NELL2: variants seen among roughly 807,000 people sequenced by gnomAD.
NELL2 encodes the protein neural EGFL like 2.
A neutral mutation model predicts 109.6 loss-of-function variants in NELL2; 41 were observed. That is an observed-to-expected ratio of 0.37 (90% confidence interval 0.29 to 0.49). NELL2 has a LOEUF of 0.49. NELL2 is among the 20% of genes least tolerant of loss of function. NELL2 has a pLI of 0.98. For missense variants in NELL2, 900 were observed against 1,008.3 expected, an observed-to-expected ratio of 0.89 and a Z score of 1.45; for synonymous variants, 355 against 344.7, an observed-to-expected ratio of 1.03 and a Z score of -0.33.
At chr12:44,809,318 TTTCC>T (rs1292092447) in intron 3 of NELL2, among the ~76,000 whole-genome samples, 5 of 152,122 alleles carry the variant, frequency 3.3e-5, no homozygotes, top group African/African-American at 1.2e-4. Flanking sequence ...TTCTCTTCTG[TTTCC>T]TGTATAAATG....
intron 2 of NELL2, among the ~76,000 whole-genome samples, chr12:44,851,505 C>G (rs1419153150): frequency 6.6e-6 from 1 of 151,558 alleles, no homozygotes; most frequent in Admixed American, 6.6e-5. Flanking sequence ...TAAATGAAGT[C>G]AAGTATGATC....
At chr12:44,555,139 G>C (rs1206416918) in intron 15 of NELL2, among the ~76,000 whole-genome samples, 1 of 152,156 alleles carries the variant, frequency 6.6e-6, no homozygotes, top group Non-Finnish European at 1.5e-5. Flanking sequence ...AGAACTGGTT[G>C]GGGTTCAGGT....
At chr12:44,782,479 G>A (rs560880583) in intron 3 of NELL2, among the ~76,000 whole-genome samples, 1 of 152,018 alleles carries the variant, frequency 6.6e-6, no homozygotes, top group Admixed American at 6.6e-5. Context: ...TAAAAACCAT[G>A]ACCATATTCT....
intron 13 of NELL2, among the ~76,000 whole-genome samples, chr12:44,643,249 A>G (rs1417232408): frequency 6.6e-6 from 1 of 152,226 alleles, no homozygotes; most frequent in Non-Finnish European, 1.5e-5. Flanking sequence ...AGAAAGAGCT[A>G]AACATTTCAA....
chr12:44,807,767 C>T (rs1447857557), intron 3 of NELL2, among the ~76,000 whole-genome samples: 1 of 151,964 alleles, frequency 6.6e-6, no homozygotes, highest in Non-Finnish European at 1.5e-5. Context: ...ATTCACCTTT[C>T]CTGCCATTTA....
intron 3 of NELL2, among the ~76,000 whole-genome samples, chr12:44,806,886 A>G (rs1025130855): frequency 6.6e-6 from 1 of 151,740 alleles, no homozygotes; most frequent in Admixed American, 6.6e-5. Flanking sequence ...TTATATTTCA[A>G]ATGAGGGAGG....
intron 9 of NELL2, among the ~76,000 whole-genome samples, chr12:44,723,217 T>C (rs946549141): frequency 6.6e-6 from 1 of 152,054 alleles, no homozygotes; most frequent in Non-Finnish European, 1.5e-5. Context: ...AATGCCCTAT[T>C]TGCATGCTAG....
intron 8 of NELL2, 147 bp from the exon 9 acceptor site, chr12:44,774,996 A>T (rs1174222792): frequency 3.3e-6 from 2 of 612,982 alleles, no homozygotes; most frequent in East Asian, 5.8e-5. Flanking sequence ...CGGTGCTGAC[A>T]ATCACCACAA....
intron 16 of NELL2, among the ~76,000 whole-genome samples, chr12:44,527,090 G>A (rs556412544): frequency 2.6e-5 from 4 of 152,160 alleles, no homozygotes; most frequent in Non-Finnish European, 5.9e-5. Flanking sequence ...TGATGTTAAA[G>A]AGCAAATAAT....
intron 1 of NELL2, among the ~76,000 whole-genome samples, chr12:44,887,038 G>T (rs1480853890): frequency 6.6e-6 from 1 of 152,046 alleles, no homozygotes; most frequent in African/African-American, 2.4e-5. Flanking sequence ...CACTTAGTTT[G>T]ATTCGTAGTT....
At chr12:44,870,795 T>C (rs991667453) in intron 2 of NELL2, among the ~76,000 whole-genome samples, 1 of 152,152 alleles carries the variant, frequency 6.6e-6, no homozygotes, top group African/African-American at 2.4e-5. Flanking sequence ...AGATAACCTA[T>C]GATAGCCTCC....
chr12:44,732,706 C>G (rs1939432134), intron 9 of NELL2, among the ~76,000 whole-genome samples: 1 of 151,874 alleles, frequency 6.6e-6, no homozygotes, highest in Admixed American at 6.6e-5. Context: ...AGAAACGGGA[C>G]TACAACAAAC....
intron 2 of NELL2, among the ~76,000 whole-genome samples, chr12:44,860,796 GGGATTAGTATGT>G (rs1474342214): frequency 6.6e-6 from 1 of 152,064 alleles, no homozygotes; most frequent in Non-Finnish European, 1.5e-5. Flanking sequence ...ACTGATTCTG[GGGATTAGTATGT>G]GGACAGCTGA....
At chr12:44,535,750 C>A (rs1942267622) in intron 15 of NELL2, among the ~76,000 whole-genome samples, 5 of 151,588 alleles carry the variant, frequency 3.3e-5, no homozygotes. Context: ...AGAAAAATTA[C>A]AGAAACAATA....
intron 2 of NELL2, among the ~76,000 whole-genome samples, chr12:44,818,038 C>T (rs1943411170): frequency 6.8e-6 from 1 of 147,784 alleles, no homozygotes; most frequent in Non-Finnish European, 1.5e-5. Flanking sequence ...GAAACTTCAA[C>T]ATTCCCATTC....
intron 16 of NELL2, among the ~76,000 whole-genome samples, chr12:44,526,701 T>G (rs755583063): frequency 2.4e-4 from 37 of 152,200 alleles, no homozygotes; most frequent in Non-Finnish European, 4.6e-4. Flanking sequence ...GAAAATATGG[T>G]TGACGTTATT....
At chr12:44,698,747 A>G (rs1949135287) in intron 12 of NELL2, among the ~76,000 whole-genome samples, 1 of 152,212 alleles carries the variant, frequency 6.6e-6, no homozygotes, top group African/African-American at 2.4e-5. Flanking sequence ...ATAAGGCATC[A>G]ATTACCAATT....
chr12:44,578,189 AT>A (rs902586594), intron 15 of NELL2, among the ~76,000 whole-genome samples: 81 of 47,984 alleles, frequency 1.7e-3, no homozygotes, highest in African/African-American at 3.2e-3. Context: ...TTTAACAATT[AT>A]TTTTTTTTTT....
At chr12:44,634,202 T>C (rs1946555351) in intron 13 of NELL2, among the ~76,000 whole-genome samples, 1 of 152,148 alleles carries the variant, frequency 6.6e-6, no homozygotes, top group South Asian at 2.1e-4. Flanking sequence ...CTTTAAGTTC[T>C]GGGACACATG....
Sources: allele counts gnomAD v4.1 joint callset (sites outside exome capture counted in the v4.1 genomes callset), GRCh38; gene constraint gnomAD v4.1.1; transcripts MANE v1.5; gene names NCBI Gene and HGNC (gene_info 2026-07-23, HGNC 2026-07-21).